ROCK1: variants seen among roughly 807,000 people sequenced by gnomAD.
ROCK1 encodes rho-associated protein kinase 1.
A neutral mutation model predicts 196.8 loss-of-function variants in ROCK1; 36 were observed. The ratio of observed to expected loss-of-function variants is 0.18; its 90% CI spans 0.14 to 0.24. ROCK1 has a LOEUF of 0.24. Among genes scored for constraint, ROCK1 ranks in the 10% least tolerant of loss-of-function variants. The pLI, the probability that ROCK1 is intolerant of heterozygous loss-of-function variation, is 1.00. For synonymous variants in ROCK1, 443 were observed against 515.9 expected, an observed-to-expected ratio of 0.86 and a Z score of 1.91; for missense variants, 920 against 1,562.0, an observed-to-expected ratio of 0.59 and a Z score of 6.93.
At chr18:20,982,412 C>T (rs1319910454) in intron 21 of ROCK1, among the ~76,000 whole-genome samples, 15 of 152,072 alleles carry the variant, frequency 9.9e-5, no homozygotes, top group African/African-American at 2.7e-4. Context: ...CCACCACAAT[C>T]GGCTAATTTT....
chr18:21,011,041 G>A (rs537167389), intron 13 of ROCK1, among the ~76,000 whole-genome samples: 49 of 151,952 alleles, frequency 3.2e-4, no homozygotes, highest in Admixed American at 8.5e-4. Flanking sequence ...CACATCTTCC[G>A]ATGTTCAACT....
intron 1 of ROCK1, among the ~76,000 whole-genome samples, chr18:21,086,760 T>C (rs1175634435): frequency 7.6e-6 from 1 of 131,744 alleles, no homozygotes; most frequent in African/African-American, 3.0e-5. Flanking sequence ...CTACATCCAC[T>C]GAAAAAAAAA....
At position 21,042,536 on chromosome 18, in the gene ROCK1, T is replaced by C. The variant is rs368478223; in HGVS notation, c.820+29A>G. 3.5e-5 allele frequency: 56 copies of C among 1,610,068 alleles called. No individual in the cohort carries two copies. The Middle Eastern group carries it at 5.0e-4, about 14-fold the overall frequency. ...CAAGTTTTGAGATGAACAACTGTAA[T>C]AGAGAGACATAAAATCTTCCTTACT... On this transcript the variant is annotated intron_variant, in intron 7 of 32. Transcript: ENST00000399799.
chr18:21,070,005 T>G (rs904296390), intron 2 of ROCK1, among the ~76,000 whole-genome samples: 18 of 151,844 alleles, frequency 1.2e-4, no homozygotes, highest in Non-Finnish European at 2.2e-4. Context: ...TAACCAAAAT[T>G]GAAAGATAAC....
chr18:20,993,561 A>T (rs1230560804), intron 16 of ROCK1, among the ~76,000 whole-genome samples: 2 of 152,192 alleles, frequency 1.3e-5, no homozygotes, highest in Non-Finnish European at 2.9e-5. Flanking sequence ...GGCAAGTATT[A>T]AGTGGTCCAT....
At chr18:21,034,132 C>T (rs532260732) in intron 9 of ROCK1, among the ~76,000 whole-genome samples, 3 of 150,590 alleles carry the variant, frequency 2.0e-5, no homozygotes, top group East Asian at 1.9e-4. Flanking sequence ...AACTTAAAAA[C>T]GTTGCTGAAA....
intron 2 of ROCK1, among the ~76,000 whole-genome samples, chr18:21,061,701 T>G (rs535354061): frequency 6.6e-6 from 1 of 152,134 alleles, no homozygotes; most frequent in African/African-American, 2.4e-5. Flanking sequence ...CATGCCCTCA[T>G]TGAAGGTGGT....
At chr18:21,044,286 G>T in intron 5 of ROCK1, 100 bp from the exon 6 acceptor site, 1 of 767,302 alleles carries the variant, frequency 1.3e-6, no homozygotes, top group Non-Finnish European at 2.2e-6. Flanking sequence ...CTCAATCTAG[G>T]TAAGGCCATC....
intron 2 of ROCK1, among the ~76,000 whole-genome samples, chr18:21,055,003 T>G (rs2036234924): frequency 6.6e-6 from 1 of 152,148 alleles, no homozygotes; most frequent in African/African-American, 2.4e-5. Context: ...CACTCATACT[T>G]TCCCTCGTTG....
At chr18:21,108,949 C>G (rs1306648818) in intron 1 of ROCK1, among the ~76,000 whole-genome samples, 1 of 152,178 alleles carries the variant, frequency 6.6e-6, no homozygotes, top group African/African-American at 2.4e-5. Flanking sequence ...TTCCTTCCAA[C>G]CTTATCTTCC....
intron 22 of ROCK1, among the ~76,000 whole-genome samples, chr18:20,977,436 A>C (rs1249009955): frequency 3.3e-5 from 5 of 151,758 alleles, no homozygotes; most frequent in African/African-American, 1.2e-4. Context: ...CCCACATCCC[A>C]TTCCCTGGCT....
At chr18:21,090,034 G>T (rs1414740481) in intron 1 of ROCK1, among the ~76,000 whole-genome samples, 1 of 152,152 alleles carries the variant, frequency 6.6e-6, no homozygotes, top group African/African-American at 2.4e-5. Flanking sequence ...TATATCAATG[G>T]TTTCTGAACT....
intron 20 of ROCK1, among the ~76,000 whole-genome samples, 168 bp downstream of exon 20, chr18:20,984,183 G>T (rs1428744092): frequency 2.0e-5 from 3 of 152,128 alleles, no homozygotes; most frequent in Non-Finnish European, 4.4e-5. Context: ...TCCAAAGCCT[G>T]AACTCCCCTG....
At chr18:21,018,755 GT>G (rs1302299598) in intron 12 of ROCK1, among the ~76,000 whole-genome samples, 3 of 152,102 alleles carry the variant, frequency 2.0e-5, no homozygotes, top group Admixed American at 6.6e-5. Flanking sequence ...AATTTTATCT[GT>G]TTTGTACCAA....
chr18:21,053,974 C>A (rs1219747800), intron 2 of ROCK1, among the ~76,000 whole-genome samples: 2 of 152,208 alleles, frequency 1.3e-5, no homozygotes, highest in African/African-American at 2.4e-5. Context: ...GTAACAGCAT[C>A]ACTGTGATTT....
At position 21,088,220 on chromosome 18, in the gene ROCK1, G is replaced by A. The variant is rs374366605; in HGVS notation, c.94-17607C>T. 2.3e-4 allele frequency among the ~76,000 whole-genome samples: 35 copies of A among 152,356 alleles called. 1 individual carries two copies. The South Asian group carries it at 7.3e-3, about 32-fold the overall frequency. ...TAGAAAAGAGTAATGATGGCCAGGC[G>A]CAGTGGCTCAGGCCAATAATCCTAA... On this transcript the variant is annotated intron_variant, in intron 1 of 32. Transcript: ENST00000399799.
intron 1 of ROCK1, among the ~76,000 whole-genome samples, chr18:21,096,301 A>C (rs2036612593): frequency 6.6e-6 from 1 of 152,108 alleles, no homozygotes; most frequent in African/African-American, 2.4e-5. Flanking sequence ...CCCGGGTTCA[A>C]GCAATTCTCC....
chr18:20,958,994 TAA>T (rs1414075917), intron 29 of ROCK1, among the ~76,000 whole-genome samples: 1 of 85,850 alleles, frequency 1.2e-5, no homozygotes, highest in East Asian at 3.0e-4. Flanking sequence ...TTATAAAAAA[TAA>T]TATATATATT....
chr18:20,987,493 C>T (rs971480233), intron 18 of ROCK1, among the ~76,000 whole-genome samples: 2 of 152,140 alleles, frequency 1.3e-5, no homozygotes, highest in African/African-American at 4.8e-5. Flanking sequence ...TTATACCCTG[C>T]ATTGTTCCAG....
Sources: gnomAD v4.1 joint callset for allele counts (sites outside exome capture counted in the v4.1 genomes callset) on GRCh38, gnomAD v4.1.1 for gene constraint, MANE v1.5 for transcripts, NCBI Gene and HGNC (gene_info 2026-07-23, HGNC 2026-07-21) for gene names.